SFMBT2: variants seen among roughly 807,000 people sequenced by gnomAD.
SFMBT2 encodes Scm like with four mbt domains 2, also known as scm-like with four MBT domains protein 2.
SFMBT2 carries 38 observed loss-of-function variants against 110.1 expected under a neutral mutation model. The observed-to-expected ratio is 0.35, with a 90% CI of 0.27 to 0.45. The LOEUF (loss-of-function observed/expected upper bound fraction) is 0.45. Among genes scored for constraint, SFMBT2 ranks in the 20% least tolerant of loss-of-function variants. The probability of loss-of-function intolerance (pLI) is 1.00; values close to 1 mark genes in which losing one functional copy is unlikely to be tolerated. For synonymous variants in SFMBT2, 425 were observed against 425.4 expected, an observed-to-expected ratio of 1.00 and a Z score of 0.01; for missense variants, 1,011 against 1,094.9, an observed-to-expected ratio of 0.92 and a Z score of 1.08.
chr10:7,225,435 G>C (rs974042803), intron 10 of SFMBT2, among the ~76,000 whole-genome samples: 3 of 152,212 alleles, frequency 2.0e-5, no homozygotes, highest in African/African-American at 2.4e-5. Flanking sequence ...CCGTTAAAGA[G>C]CACTTATAGC....
intron 17 of SFMBT2, among the ~76,000 whole-genome samples, chr10:7,175,690 C>T (rs1461340400): frequency 6.6e-6 from 1 of 152,158 alleles, no homozygotes; most frequent in Admixed American, 6.5e-5. Context: ...ATCCATTGAG[C>T]TGTAGAATCA....
intron 4 of SFMBT2, among the ~76,000 whole-genome samples, chr10:7,354,363 T>C (rs1310129795): frequency 3.3e-5 from 5 of 152,174 alleles, no homozygotes; most frequent in Non-Finnish European, 7.4e-5. Flanking sequence ...CGTGGCAGTG[T>C]CATGAGTAAA....
At chr10:7,249,463 C>T in intron 7 of SFMBT2, 2 of 947,652 alleles carry the variant, frequency 2.1e-6, no homozygotes, top group Non-Finnish European at 2.5e-6. Flanking sequence ...TCTGGATAAA[C>T]AGCAGTGGAT....
At chr10:7,198,067 C>T (rs1169059949) in intron 14 of SFMBT2, 3 of 985,318 alleles carry the variant, frequency 3.0e-6, no homozygotes, top group Non-Finnish European at 3.6e-6. Context: ...TGGTGTTCAT[C>T]ATGCCACACA....
In SFMBT2 at chr10:7,171,173, C is replaced by T. The variant is rs1837863205; in HGVS notation, c.2416-117G>A. ...GGAAGCCACTGCCTCCCTTTGCTCCCTCACTGGGCACCTGAAAAAGCTGCA... is the reference window on the plus strand; with the variant it reads ...GGAAGCCACTGCCTCCCTTTGCTCCTTCACTGGGCACCTGAAAAAGCTGCA... On this transcript the variant is annotated intron_variant, in intron 19 of 20. Coordinates refer to ENST00000397167, the MANE Select transcript of SFMBT2 (RefSeq NM_001387889.1). This position sits in a 1 kb window ranked among gnomAD's most constrained non-coding sequence, Gnocchi z 4.9. 6.5e-6 allele frequency: 10 copies of T among 1,533,874 alleles called. No homozygotes were observed. The South Asian group carries it at 1.0e-4, about 16-fold the overall frequency.
At chr10:7,265,627 C>T (rs1336246323) in intron 7 of SFMBT2, among the ~76,000 whole-genome samples, 1 of 152,180 alleles carries the variant, frequency 6.6e-6, no homozygotes, top group Non-Finnish European at 1.5e-5. Context: ...TAGTTGATTA[C>T]AAAAGTGCCA....
At chr10:7,221,861 A>G (rs11817828) in intron 10 of SFMBT2, among the ~76,000 whole-genome samples, 1 of 152,178 alleles carries the variant, frequency 6.6e-6, no homozygotes, top group African/African-American at 2.4e-5. Flanking sequence ...AGCTACAACC[A>G]CAATCAACAC....
rs372180552 is a variant in SFMBT2, at chr10:7,197,585, G to A, written c.1661C>T (p.Ser554Leu). ...NKGRIAELPQ[S>L]VGPGKCVLVL... is the part of the protein sequence containing the mutation. ...CAGCACGCATTTGCCCGGTCCCACC[G>A]ACTGAGGTAGCTCTGCAATCCTTCC... The change falls in exon 15 of 21, where the codon TCG (serine) becomes TTG (leucine). Residue 554 changes from serine to leucine, a missense_variant. By Grantham distance (145) the Ser-to-Leu change is moderately radical. This residue lies in a region of SFMBT2 where 979 missense variants were observed against 1,016.1 expected (regional missense o/e 0.96). Coordinates refer to ENST00000397167, the MANE Select transcript of SFMBT2 (RefSeq NM_001387889.1). The A allele has an allele frequency of 1.4e-5, 22 of 1,614,052 alleles. No individual in the cohort carries two copies. Among genetic ancestry groups the A allele is most frequent in the South Asian group, 1.3e-4 (12 of 91,076 alleles).
intron 15 of SFMBT2, among the ~76,000 whole-genome samples, chr10:7,191,737 C>A (rs555989220): frequency 6.6e-6 from 1 of 152,340 alleles, no homozygotes; most frequent in South Asian, 2.1e-4. Flanking sequence ...GGACTTCATT[C>A]TGTTTGCTGC....
intron 1 of SFMBT2, among the ~76,000 whole-genome samples, chr10:7,398,668 G>A (rs1219924789): frequency 6.6e-6 from 1 of 152,146 alleles, no homozygotes; most frequent in Admixed American, 6.5e-5. Context: ...CAGAGATGTA[G>A]TCACACTGGG....
At chr10:7,319,257 T>C (rs1028900517) in intron 4 of SFMBT2, among the ~76,000 whole-genome samples, 1 of 152,206 alleles carries the variant, frequency 6.6e-6, no homozygotes, top group African/African-American at 2.4e-5. Flanking sequence ...AGCTAGGAAC[T>C]GTGCACATGT....
intron 16 of SFMBT2, among the ~76,000 whole-genome samples, chr10:7,183,450 G>A (rs961965405): frequency 5.3e-5 from 8 of 152,212 alleles, no homozygotes; most frequent in Non-Finnish European, 1.0e-4. Context: ...GGTTGTCAGC[G>A]CAGGACACTG....
At chr10:7,315,096 G>GAAAGAAAGAAAGAA (rs1842969135) in intron 4 of SFMBT2, among the ~76,000 whole-genome samples, 1 of 144,928 alleles carries the variant, frequency 6.9e-6, no homozygotes, top group African/African-American at 2.5e-5. Flanking sequence ...AAGAAAGAAA[G>GAAAGAAAGAAAGAA]AAAGAAAGAA....
chr10:7,318,893 T>C (rs2131926202), intron 4 of SFMBT2, among the ~76,000 whole-genome samples: 1 of 152,306 alleles, frequency 6.6e-6, no homozygotes, highest in South Asian at 2.1e-4. Flanking sequence ...CTTAAAGGAA[T>C]TGAGAGTAAA....
intron 10 of SFMBT2, among the ~76,000 whole-genome samples, chr10:7,224,385 C>T (rs1245859647): frequency 6.6e-6 from 1 of 152,132 alleles, no homozygotes; most frequent in Non-Finnish European, 1.5e-5. Flanking sequence ...CTGGGGTTCC[C>T]GATCCTGGCT....
chr10:7,341,595 C>T (rs889564845), intron 4 of SFMBT2, among the ~76,000 whole-genome samples: 4 of 152,120 alleles, frequency 2.6e-5, no homozygotes, highest in Non-Finnish European at 5.9e-5. Context: ...TTTTTGGCTC[C>T]ACGTTGTAGA....
intron 9 of SFMBT2, among the ~76,000 whole-genome samples, chr10:7,239,335 C>T (rs1055591128): frequency 4.6e-5 from 7 of 152,190 alleles, no homozygotes; most frequent in Admixed American, 2.0e-4. Flanking sequence ...ACATATTCTA[C>T]GTGTCAACCT....
In SFMBT2 at chr10:7,348,167, T is replaced by C. The variant is rs1348014814; in HGVS notation, c.436+19482A>G. 7.9e-6 allele frequency: 5 copies of C among 633,560 alleles called. No individual in the cohort carries two copies. In the East Asian group the frequency reaches 1.6e-4, roughly 21 times the overall value. The allele number at this position is 633,560 out of a possible 1,614,324, so 39.2% of individuals were successfully genotyped here. A position where few individuals can be genotyped will look rare whatever the true frequency, so the allele number is the denominator to read the frequency against. The stretch of plus-strand genomic sequence containing the variant: ...AAGTTCTAAAAACATTTTATTTTCT[T>C]TGGAGCTTTTCAAAGGGTTTGGGTT... On this transcript the variant is annotated intron_variant, in intron 4 of 20. Transcript: ENST00000397167.
At chr10:7,286,455 G>A (rs894257999) in intron 4 of SFMBT2, 1 of 777,840 alleles carries the variant, frequency 1.3e-6, no homozygotes, top group Non-Finnish European at 1.6e-6. Flanking sequence ...GAGAAATGGG[G>A]AGAATAAGTA....
Sources: allele counts gnomAD v4.1 joint callset (sites outside exome capture counted in the v4.1 genomes callset), GRCh38; gene constraint gnomAD v4.1.1; regional missense constraint gnomAD v4.1.1; non-coding constraint Gnocchi (gnomAD v3.1); transcripts MANE v1.5; gene names NCBI Gene and HGNC (gene_info 2026-07-23, HGNC 2026-07-21).